TJP2: variants seen among roughly 807,000 people sequenced by gnomAD.
The protein encoded by TJP2 is tight junction protein 2.
A neutral mutation model predicts 133.1 loss-of-function variants in TJP2; 91 were observed. That is an observed-to-expected ratio of 0.68 (90% confidence interval 0.58 to 0.81). TJP2 has a LOEUF of 0.81. Among genes scored for constraint, TJP2 ranks in the 40% least tolerant of loss-of-function variants. The probability of loss-of-function intolerance (pLI) is 0.00; values close to 1 mark genes in which losing one functional copy is unlikely to be tolerated. For missense variants in TJP2, 1,541 were observed against 1,565.6 expected (o/e 0.98, Z 0.26); for synonymous variants, 592 against 583.4 (o/e 1.01, Z -0.21).
At chr9:69,138,675 T>A (rs1822880925) in intron 1 of TJP2, among the ~76,000 whole-genome samples, 1 of 152,070 alleles carries the variant, frequency 6.6e-6, no homozygotes, top group South Asian at 2.1e-4. Flanking sequence ...CCCAGCACTT[T>A]GGGAGGCCAA....
chr9:69,207,755 G>A lies in TJP2; in HGVS notation c.61-4793G>A, dbSNP rs149568284. ...TAGCCAAGCACAAGGTGGTGGGTGG[G>A]ACCAGAGCCCGGTGGCCTAGTTTGA... On this transcript the variant is annotated intron_variant, in intron 1 of 22. Transcript: ENST00000377245. 9.4e-4 allele frequency among the ~76,000 whole-genome samples: 143 copies of A among 152,310 alleles called. 1 individual carries two copies. Among genetic ancestry groups the A allele is most frequent in the Middle Eastern group, 3.4e-3 (1 of 294 alleles).
intron 1 of TJP2, among the ~76,000 whole-genome samples, chr9:69,186,339 C>T (rs537259264): frequency 2.0e-5 from 3 of 152,210 alleles, no homozygotes; most frequent in Admixed American, 2.0e-4. Flanking sequence ...TCCGAAGGCT[C>T]CTTGCAGAGA....
chr9:69,249,447 AAT>A lies in TJP2; in HGVS notation c.2955_2956del (p.Asn985LysfsTer23). The A allele has an allele frequency of 6.2e-7, 1 of 1,610,784 alleles. No homozygotes were observed. The highest frequency in any genetic ancestry group is 8.5e-7 in the Non-Finnish European group (1 of 1,178,272). Reference protein sequence around the residue: ...RAASSDQLRDNSPPPAFKPEP... With the variant: ...RAASSDQLRDXSPPPAFKPEP... ...TGCTAGCAGCGATCAACTTAGGGAC[AAT>A]AGCCCGCCCCCAGCATTCAAGCCAG... On this transcript the variant is annotated frameshift_variant, in exon 20 of 23. Coordinates refer to ENST00000377245, the MANE Select transcript of TJP2 (RefSeq NM_004817.4). LOFTEE classifies it high-confidence loss of function.
At position 69,248,203 on chromosome 9, in the gene TJP2, G is replaced by T. The variant is rs369972534; in HGVS notation, c.2859G>T (p.Ser953=). The T allele has an allele frequency of 1.8e-4, 295 of 1,606,538 alleles. No individual in the cohort carries two copies. The Middle Eastern group carries it at 4.5e-3, about 24-fold the overall frequency. The change falls in exon 19 of 23, where the codon TCG becomes TCT. Residue 953 remains serine (S), a synonymous_variant. Coordinates refer to ENST00000377245, the MANE Select transcript of TJP2 (RefSeq NM_004817.4). ...EPLVSSITRS[S]EPVQHEESIR... ...TGGTGTCGTCCATCACCCGCTCCTC[G>T]GAGCCGGTGCAGCACGAGGAGGTGA...
upstream of TJP2, among the ~76,000 whole-genome samples, chr9:69,169,486 G>A (rs1039812165): frequency 6.6e-6 from 1 of 151,610 alleles, no homozygotes; most frequent in Non-Finnish European, 1.5e-5. Context: ...AGTCTCCCAA[G>A]TAGCTGGGAC....
At chr9:69,247,323 TCA>T (rs1413749494) in intron 18 of TJP2, among the ~76,000 whole-genome samples, 1 of 152,224 alleles carries the variant, frequency 6.6e-6, no homozygotes, top group African/African-American at 2.4e-5. Context: ...GGGAGATAGC[TCA>T]CACACAGCTG....
rs7867725 is a variant in TJP2 at position 69,221,815 on chromosome 9, G to A, written c.952+319G>A. Among the ~76,000 whole-genome samples the A allele has an allele frequency of 0.014, 2,159 of 150,478 alleles. 56 individuals are homozygous for A. Among genetic ancestry groups the A allele is most frequent in the African/African-American group, 0.05 (2,058 of 40,866 alleles). On this transcript the variant is annotated intron_variant, in intron 5 of 22. Coordinates refer to ENST00000377245, the MANE Select transcript of TJP2 (RefSeq NM_004817.4). The stretch of plus-strand genomic sequence containing the variant: ...GATCCGTCCACCTGAATCTCTCACA[G>A]TGCTGGGATTACAGGCATGAGCCAC...
rs149279351 is a variant in TJP2 at position 69,227,295 on chromosome 9, G to A, written c.1211-470G>A. Among the ~76,000 whole-genome samples the A allele has an allele frequency of 4.3e-3, 650 of 152,290 alleles. 6 individuals are homozygous for A. The highest frequency in any genetic ancestry group is 0.015 in the African/African-American group (621 of 41,540). On this transcript the variant is annotated intron_variant, in intron 7 of 22. Transcript: ENST00000377245. ...TTGCAGTTTATTTCCTTGCTACTCA[G>A]TATGTGGTCCTCATCCCCCAACCCC... is the stretch of plus-strand genomic sequence containing the variant.
chr9:69,227,671 C>T lies in TJP2; in HGVS notation c.1211-94C>T, dbSNP rs117338329. On this transcript the variant is annotated intron_variant, in intron 7 of 22. Transcript: ENST00000377245. ...TTCCTGCCTACCTCGTTTCCATTTCCCGTGTTTCCTACCCAGAGAATAGTG... is the reference window on the plus strand; with the variant it reads ...TTCCTGCCTACCTCGTTTCCATTTCTCGTGTTTCCTACCCAGAGAATAGTG... 2.2e-4 allele frequency: 183 copies of T among 850,572 alleles called. No individual in the cohort carries two copies. The East Asian group carries it at 4.2e-3, about 20-fold the overall frequency. The allele number at this position is 850,572 out of a possible 1,614,324, so 52.7% of individuals were successfully genotyped here.
intron 11 of TJP2, 38 bp from the exon 12 acceptor site, chr9:69,234,394 CTTTCTTT>C: frequency 7.7e-7 from 1 of 1,293,310 alleles, no homozygotes; most frequent in Non-Finnish European, 1.1e-6. Flanking sequence ...TTCTTTCTTT[CTTTCTTT>C]TTTTTTTTTT....
At chr9:69,122,487 T>C (rs896558089) in intron 1 of TJP2, among the ~76,000 whole-genome samples, 1 of 152,132 alleles carries the variant, frequency 6.6e-6, no homozygotes, top group Non-Finnish European at 1.5e-5. Context: ...AACAAAAAAA[T>C]TTTCACTTTC....
chr9:69,164,691 A>C (rs1824257025), intron 2 of TJP2, among the ~76,000 whole-genome samples: 1 of 152,210 alleles, frequency 6.6e-6, no homozygotes, highest in Admixed American at 6.5e-5. Flanking sequence ...CTGTTAAAAG[A>C]AGCTAAAAGG....
At chr9:69,128,860 C>T (rs1222971784) in intron 1 of TJP2, among the ~76,000 whole-genome samples, 1 of 152,086 alleles carries the variant, frequency 6.6e-6, no homozygotes, top group African/African-American at 2.4e-5. Flanking sequence ...TTTCTTGATT[C>T]TTTTCCAAGG....
intron 7 of TJP2, 57 bp downstream of exon 7, chr9:69,226,232 C>T (rs1249944658): frequency 1.9e-6 from 3 of 1,574,416 alleles, no homozygotes; most frequent in Admixed American, 1.7e-5. Context: ...GTTGCTTCCC[C>T]ATTCTTCTAT....
chr9:69,221,479 A>G lies in TJP2; in HGVS notation c.935A>G (p.Lys312Arg). 2 of 1,602,340 alleles carry G rather than the reference A, an allele frequency of 1.2e-6. No homozygotes were observed. Among genetic ancestry groups the G allele is most frequent in the Non-Finnish European group, 1.7e-6 (2 of 1,174,310 alleles). ...RPGPIGVLLM[K>R]SRANEEYGLR... ...GGGCCCATCGGGGTCCTCCTGATGA[A>G]AAGCAGAGCGAACGAAGGTAGGCAT... is the stretch of plus-strand genomic sequence containing the variant. The change falls in exon 5 of 23, where the codon AAA becomes AGA. Residue 312 changes from lysine to arginine, a missense_variant. By Grantham distance (26) the Lys-to-Arg change is conservative. Coordinates refer to ENST00000377245, the MANE Select transcript of TJP2 (RefSeq NM_004817.4).
At chr9:69,131,538 C>T (rs1294993858) in intron 1 of TJP2, among the ~76,000 whole-genome samples, 1 of 152,192 alleles carries the variant, frequency 6.6e-6, no homozygotes, top group Admixed American at 6.5e-5. Context: ...TAAAATATTT[C>T]TCTTGGGTTT....
chr9:69,138,700 C>T (rs1156933979), intron 1 of TJP2, among the ~76,000 whole-genome samples: 2 of 152,210 alleles, frequency 1.3e-5, no homozygotes, highest in African/African-American at 4.8e-5. Flanking sequence ...GGAGGATCAC[C>T]TGAGGTCGGG....
intron 1 of TJP2, chr9:69,151,607 A>C (rs1048454070): frequency 1.6e-6 from 2 of 1,231,646 alleles, no homozygotes; most frequent in African/African-American, 3.1e-5. Context: ...TTACCATTGC[A>C]GGGAATGAGC....
rs117454610 is a variant in TJP2 at position 69,182,031 on chromosome 9, G to A, written c.60+7599G>A. 2.0e-3 allele frequency among the ~76,000 whole-genome samples: 298 copies of A among 152,196 alleles called. 1 individual carries two copies. Among genetic ancestry groups the A allele is most frequent in the Middle Eastern group, 0.017 (5 of 294 alleles). On this transcript the variant is annotated intron_variant, in intron 1 of 22. Coordinates refer to ENST00000377245, the MANE Select transcript of TJP2 (RefSeq NM_004817.4). ...CCGGGCCTCATTGCCTGTGACATAC[G>A]CTTGGAAGGAGGGGCAGGCCTGCAG...
Sources: gnomAD v4.1 joint callset for allele counts (sites outside exome capture counted in the v4.1 genomes callset) on GRCh38, gnomAD v4.1.1 for gene constraint, MANE v1.5 for transcripts, NCBI Gene and HGNC (gene_info 2026-07-23, HGNC 2026-07-21) for gene names.